The following GATAD2B variants were observed in gnomAD, a reference collection of about 807,000 sequenced individuals.
GATAD2B encodes the protein transcriptional repressor p66-beta.
In GATAD2B, 8 loss-of-function variants were observed where a neutral mutation model predicts 64.3. The observed-to-expected ratio is 0.12, with a 90% CI of 0.07 to 0.22. The LOEUF is 0.22. Ranked by LOEUF, GATAD2B falls within the 10% of genes least tolerant of loss-of-function variation. The pLI is 1.00. For missense variants in GATAD2B, 453 were observed against 752.0 expected, an observed-to-expected ratio of 0.60 and a Z score of 4.65; for synonymous variants, 281 against 271.3, an observed-to-expected ratio of 1.04 and a Z score of -0.35.
intron 1 of GATAD2B, among the ~76,000 whole-genome samples, chr1:153,894,875 A>G (rs1256438095): frequency 6.6e-6 from 1 of 150,670 alleles, no homozygotes; most frequent in Non-Finnish European, 1.5e-5. Context: ...AAAACAAACA[A>G]AGGCTGGGCG....
In GATAD2B at chr1:153,828,278, G is replaced by T. The variant is rs1674952089; in HGVS notation, c.70C>A (p.Arg24=). The stretch of plus-strand genomic sequence containing the variant: ...AGTCGCTTTGCCAGGACATCATCTC[G>T]CTCATCTGCTGGGTCCAAGCTCCGC... ...LKRSLDPADE[R]DDVLAKRLKM... The change falls in exon 2 of 11, where the codon CGA becomes AGA. Residue 24 remains arginine (R), a synonymous_variant. Coordinates refer to ENST00000368655, the MANE Select transcript of GATAD2B (RefSeq NM_020699.4). The T allele has an allele frequency of 6.2e-7, 1 of 1,613,604 alleles. No homozygotes were observed. The highest frequency in any genetic ancestry group is 1.3e-5 in the African/African-American group (1 of 74,902).
rs1282654104 is a variant in GATAD2B, at chr1:153,922,717, G to A, written c.-2+16C>T. On this transcript the variant is annotated intron_variant, in intron 1 of 10. Coordinates refer to ENST00000368655, the MANE Select transcript of GATAD2B (RefSeq NM_020699.4). ...GCGGGCGGGCGGCCAGGCTGGCCTAGGCCAAAGCTCCTCACCTGGCGGTGG... is the reference window on the plus strand; with the variant it reads ...GCGGGCGGGCGGCCAGGCTGGCCTAAGCCAAAGCTCCTCACCTGGCGGTGG... 1.3e-5 allele frequency: 2 copies of A among 152,516 alleles called. No individual in the cohort carries two copies. Among genetic ancestry groups the A allele is most frequent in the East Asian group, 1.9e-4 (1 of 5,206 alleles). The allele number at this position is 152,516 out of a possible 1,614,324, so 9.4% of individuals were successfully genotyped here.
chr1:153,895,508 A>T (rs997979808), intron 1 of GATAD2B, among the ~76,000 whole-genome samples: 1 of 151,996 alleles, frequency 6.6e-6, no homozygotes, highest in Admixed American at 6.6e-5. Context: ...TAAGCCCAAG[A>T]GATTGGGGCT....
At chr1:153,861,505 C>T (rs185122286) in intron 1 of GATAD2B, among the ~76,000 whole-genome samples, 98 of 150,908 alleles carry the variant, frequency 6.5e-4, no homozygotes, top group African/African-American at 2.4e-3. Context: ...TTAAAAAATA[C>T]GGCCGGACAC....
intron 1 of GATAD2B, among the ~76,000 whole-genome samples, chr1:153,921,686 G>C (rs1449823314): frequency 1.3e-5 from 2 of 152,058 alleles, no homozygotes; most frequent in Non-Finnish European, 2.9e-5. Context: ...GATTTTCCAG[G>C]GGACAACAGA....
chr1:153,884,430 G>A (rs930466369), intron 1 of GATAD2B, among the ~76,000 whole-genome samples: 5 of 150,056 alleles, frequency 3.3e-5, no homozygotes, highest in African/African-American at 1.2e-4. Context: ...GCGACAGAGC[G>A]AGACTCCACC....
intron 1 of GATAD2B, among the ~76,000 whole-genome samples, chr1:153,848,469 T>C (rs1417049077): frequency 2.6e-5 from 4 of 152,192 alleles, no homozygotes; most frequent in Non-Finnish European, 5.9e-5. Flanking sequence ...GGTCTTATTC[T>C]ACACTCATGA....
chr1:153,826,938 CT>C (rs1674898201), intron 2 of GATAD2B, among the ~76,000 whole-genome samples: 3 of 138,072 alleles, frequency 2.2e-5, no homozygotes. Flanking sequence ...GAGACCCTAT[CT>C]TAAAAAAAAA....
intron 7 of GATAD2B, among the ~76,000 whole-genome samples, chr1:153,815,815 A>G (rs1674461415): frequency 6.6e-6 from 1 of 152,144 alleles, no homozygotes; most frequent in African/African-American, 2.4e-5. Context: ...CACTTTAGGA[A>G]GCCGAGGTGG....
intron 1 of GATAD2B, among the ~76,000 whole-genome samples, chr1:153,889,948 C>T (rs989773189): frequency 6.6e-6 from 1 of 151,576 alleles, no homozygotes; most frequent in Non-Finnish European, 1.5e-5. Flanking sequence ...CCAAGGTGGG[C>T]AGATCACCTG....
intron 1 of GATAD2B, among the ~76,000 whole-genome samples, chr1:153,885,408 G>C (rs1268998693): frequency 1.3e-5 from 2 of 152,178 alleles, no homozygotes; most frequent in East Asian, 1.9e-4. Flanking sequence ...TCAGTGACAA[G>C]TAAAGGAAAA....
chr1:153,915,812 G>C (rs1678248277), intron 1 of GATAD2B, among the ~76,000 whole-genome samples: 1 of 150,606 alleles, frequency 6.6e-6, no homozygotes, highest in South Asian at 2.1e-4. Flanking sequence ...AGGTACAGAA[G>C]TAGGGCTGGA....
intron 1 of GATAD2B, among the ~76,000 whole-genome samples, chr1:153,879,631 C>T (rs1406668468): frequency 1.3e-5 from 2 of 151,816 alleles, no homozygotes; most frequent in Admixed American, 6.6e-5. Flanking sequence ...GGCATGGTGG[C>T]GCAGGCCTGT....
In GATAD2B at chr1:153,831,926, A is replaced by C. The variant is rs111779370; in HGVS notation, c.-1-3578T>G. Among the ~76,000 whole-genome samples the C allele has an allele frequency of 7.3e-3, 1,117 of 152,328 alleles. 5 individuals are homozygous for C. Among genetic ancestry groups the C allele is most frequent in the Non-Finnish European group, 0.013 (908 of 68,034 alleles). On this transcript the variant is annotated intron_variant, in intron 1 of 10. Coordinates refer to ENST00000368655, the MANE Select transcript of GATAD2B (RefSeq NM_020699.4). ...TGCTTTGCAGATACTTTGTTAAAGG[A>C]AAACAAGGCCAGGCACAGTGGCTCA...
chr1:153,849,703 T>A (rs532735665), intron 1 of GATAD2B, among the ~76,000 whole-genome samples: 4 of 152,348 alleles, frequency 2.6e-5, no homozygotes, highest in Non-Finnish European at 4.4e-5. Context: ...TGATCTTGGC[T>A]CACTGCAACC....
intron 1 of GATAD2B, among the ~76,000 whole-genome samples, chr1:153,833,281 C>A (rs140016899): frequency 6.6e-6 from 1 of 152,154 alleles, no homozygotes; most frequent in African/African-American, 2.4e-5. Context: ...GGAACAACGA[C>A]GTCTGGATGA....
At chr1:153,827,212 C>T (rs1052478900) in intron 2 of GATAD2B, among the ~76,000 whole-genome samples, 2 of 147,134 alleles carry the variant, frequency 1.4e-5, no homozygotes, top group East Asian at 2.0e-4. Flanking sequence ...ACTCACTACA[C>T]GCCAGCCTAG....
intron 1 of GATAD2B, among the ~76,000 whole-genome samples, chr1:153,869,515 A>C (rs1443606734): frequency 6.6e-6 from 1 of 152,144 alleles, no homozygotes; most frequent in Admixed American, 6.6e-5. Context: ...AGATCTGGCC[A>C]TTGAAAGCTC....
At chr1:153,865,663 T>C (rs1314262752) in intron 1 of GATAD2B, among the ~76,000 whole-genome samples, 12 of 152,136 alleles carry the variant, frequency 7.9e-5, no homozygotes, top group Admixed American at 7.9e-4. Flanking sequence ...ATAAAAACAC[T>C]AGCACATATA....
Sources: allele counts gnomAD v4.1 joint callset (sites outside exome capture counted in the v4.1 genomes callset), GRCh38; gene constraint gnomAD v4.1.1; transcripts MANE v1.5; gene names NCBI Gene and HGNC (gene_info 2026-07-23, HGNC 2026-07-21).